The following TMEM212 variants were observed in gnomAD, a reference collection of about 807,000 sequenced individuals.
TMEM212 encodes transmembrane protein 212.
TMEM212 carries 23 observed loss-of-function variants against 20.5 expected under a neutral mutation model. The ratio of observed to expected loss-of-function variants is 1.12; its 90% CI spans 0.81 to 1.59. The LOEUF (loss-of-function observed/expected upper bound fraction) is 1.59, where lower values mean the gene tolerates loss of function less well. Among genes scored for constraint, TMEM212 ranks in the 40% most tolerant of loss-of-function variants. The pLI is 0.00. For synonymous variants in TMEM212, 76 were observed against 81.6 expected, an observed-to-expected ratio of 0.93 and a Z score of 0.37; for missense variants, 211 against 215.0, an observed-to-expected ratio of 0.98 and a Z score of 0.12.
chr3:171,857,936 A>G (rs1192333236), intron 4 of TMEM212, 125 bp from the exon 5 acceptor site: 3 of 151,732 alleles, frequency 2.0e-5, no homozygotes, highest in Non-Finnish European at 2.9e-5. Context: ...ATCCTTGTGC[A>G]CCATTGGTGG....
rs114199694 is a variant in TMEM212 at position 171,851,559 on chromosome 3, T to C, written c.160-423T>C. Among the ~76,000 whole-genome samples, 933 of 152,352 alleles carry C rather than the reference T, an allele frequency of 6.1e-3. 9 individuals carry two copies. Among genetic ancestry groups the C allele is most frequent in the Non-Finnish European group, 0.01 (684 of 68,030 alleles). On this transcript the variant is annotated intron_variant, in intron 1 of 4. Transcript: ENST00000334567. ...AGAAAGCAAATAGCAAAAGAGAAAGTCGCCTCAGGGTTTTGTGACAAGTTT... is the reference window on the plus strand; with the variant it reads ...AGAAAGCAAATAGCAAAAGAGAAAGCCGCCTCAGGGTTTTGTGACAAGTTT...
chr3:171,853,543 C>T lies in TMEM212; in HGVS notation c.236C>T (p.Thr79Ile). 5 of 1,536,252 alleles carry T rather than the reference C, an allele frequency of 3.3e-6. No individual in the cohort carries two copies. The highest frequency in any genetic ancestry group is 4.4e-6 in the Non-Finnish European group (5 of 1,146,256). The change falls in exon 3 of 5, where the codon ACC becomes ATC. Residue 79 changes from threonine to isoleucine, a missense_variant. Thr to Ile is a moderately conservative substitution (Grantham distance 89). Coordinates refer to ENST00000334567, the MANE Select transcript of TMEM212 (RefSeq NM_001164436.2). Reference sequence around the variant, plus strand: ...TATTTTCAGGGGGAAGCTACTTTCACCTTTGTGATTCTGAGCATTATGGGA... The same window carrying T: ...TATTTTCAGGGGGAAGCTACTTTCATCTTTGTGATTCTGAGCATTATGGGA... ...TQRYLGEATFTFVILSIMGCP... is the reference protein window; with the variant it reads ...TQRYLGEATFIFVILSIMGCP...
chr3:171,853,965 T>C, intron 3 of TMEM212, 115 bp downstream of exon 3: 1 of 786,966 alleles, frequency 1.3e-6, no homozygotes, highest in Non-Finnish European at 2.0e-6. Flanking sequence ...TCCCATATGC[T>C]TTTGATATCC....
chr3:171,847,276 G>A (rs1461525664), intron 1 of TMEM212, among the ~76,000 whole-genome samples: 1 of 152,238 alleles, frequency 6.6e-6, no homozygotes, highest in East Asian at 1.9e-4. Flanking sequence ...CACAGGCCCT[G>A]AGGGCTGGAC....
At chr3:171,851,668 C>T (rs2108380834) in intron 1 of TMEM212, among the ~76,000 whole-genome samples, 1 of 152,270 alleles carries the variant, frequency 6.6e-6, no homozygotes, top group Non-Finnish European at 1.5e-5. Flanking sequence ...AAATGTATGG[C>T]AAGGGTTATA....
At chr3:171,846,257 A>G (rs909352783) in intron 1 of TMEM212, among the ~76,000 whole-genome samples, 3 of 152,226 alleles carry the variant, frequency 2.0e-5, no homozygotes, top group Non-Finnish European at 2.9e-5. Flanking sequence ...TTAATTCTTT[A>G]TCAAACAACA....
Position 171,853,718 on chromosome 3 carries a change from C to T in TMEM212, c.411C>T (p.Asp137=). ...CAAAATTCCCATTAGCCTGTGTGGACCCACCACACTACGAAGAGTACCACC... is the reference window on the plus strand; with the variant it reads ...CAAAATTCCCATTAGCCTGTGTGGATCCACCACACTACGAAGAGTACCACC... ...PYAKFPLACV[D]PPHYEEYHLT... is the part of the protein sequence containing the mutation. Residue 137 remains aspartate (D), a synonymous_variant, in exon 3 of 5, where the codon GAC becomes GAT. Transcript: ENST00000334567. 8 of 1,537,424 alleles carry T rather than the reference C, an allele frequency of 5.2e-6. No homozygotes were observed. Among genetic ancestry groups the T allele is most frequent in the Non-Finnish European group, 7.0e-6 (8 of 1,146,902 alleles).
chr3:171,851,286 A>C (rs1306975826), intron 1 of TMEM212, among the ~76,000 whole-genome samples: 2 of 152,136 alleles, frequency 1.3e-5, no homozygotes, highest in African/African-American at 4.8e-5. Flanking sequence ...TATTTTTTTC[A>C]TTATCCGCTG....
intron 1 of TMEM212, among the ~76,000 whole-genome samples, chr3:171,850,188 T>C (rs1184079819): frequency 6.6e-6 from 1 of 152,196 alleles, no homozygotes; most frequent in East Asian, 1.9e-4. Context: ...CTATCTCCCA[T>C]GTCTGGCGGG....
At chr3:171,853,306 C>T (rs548980525) in intron 2 of TMEM212, among the ~76,000 whole-genome samples, 39 of 150,964 alleles carry the variant, frequency 2.6e-4, no homozygotes, top group African/African-American at 8.3e-4. Flanking sequence ...GCACATGTAT[C>T]CCGGTACTTA....
At chr3:171,845,385 T>C (rs1046293230) in intron 1 of TMEM212, among the ~76,000 whole-genome samples, 2 of 152,238 alleles carry the variant, frequency 1.3e-5, no homozygotes, top group Non-Finnish European at 2.9e-5. Context: ...CATATTCTGA[T>C]ATTTTCTATT....
rs569307254 is a variant in TMEM212 at position 171,849,375 on chromosome 3, T to C, written c.160-2607T>C. ...CTCGTGTGTGCATTATTTTTACACC[T>C]GAACTGTAAATTCCAGCGGCAGTCA... On this transcript the variant is annotated intron_variant, in intron 1 of 4. Coordinates refer to ENST00000334567, the MANE Select transcript of TMEM212 (RefSeq NM_001164436.2). 3.9e-5 allele frequency among the ~76,000 whole-genome samples: 6 copies of C among 152,364 alleles called. No homozygotes were observed. In the South Asian group the frequency reaches 1.2e-3, roughly 32 times the overall value.
chr3:171,847,206 T>C (rs370968378), intron 1 of TMEM212, among the ~76,000 whole-genome samples: 1 of 152,350 alleles, frequency 6.6e-6, no homozygotes, highest in African/African-American at 2.4e-5. Context: ...CTATTAATTC[T>C]AGAAAACATG....
intron 3 of TMEM212, among the ~76,000 whole-genome samples, chr3:171,855,450 T>G (rs993894555): frequency 2.0e-5 from 3 of 152,084 alleles, no homozygotes; most frequent in African/African-American, 7.2e-5. Context: ...CCATCTCTAC[T>G]AAAAATACAC....
intron 1 of TMEM212, among the ~76,000 whole-genome samples, chr3:171,844,534 C>G (rs538204930): frequency 6.6e-6 from 1 of 152,098 alleles, no homozygotes; most frequent in Non-Finnish European, 1.5e-5. Flanking sequence ...GGCGAAACCC[C>G]GTCACTACTA....
chr3:171,845,210 A>C (rs1486152225), intron 1 of TMEM212, among the ~76,000 whole-genome samples: 1 of 152,210 alleles, frequency 6.6e-6, no homozygotes, highest in African/African-American at 2.4e-5. Context: ...ACTCAGAGTC[A>C]GAAAAATATT....
At chr3:171,848,813 G>T (rs193052863) in intron 1 of TMEM212, among the ~76,000 whole-genome samples, 3 of 151,224 alleles carry the variant, frequency 2.0e-5, no homozygotes, top group Non-Finnish European at 4.4e-5. Context: ...AAATGTATTC[G>T]TTATTGTGGC....
intron 1 of TMEM212, among the ~76,000 whole-genome samples, chr3:171,846,857 A>G (rs1337581884): frequency 6.6e-6 from 1 of 152,180 alleles, no homozygotes. Flanking sequence ...CTCCCTTACC[A>G]ATCACTTCTT....
At position 171,858,825 on chromosome 3, in the gene TMEM212, A is replaced by G. The variant is rs910477866; in HGVS notation, c.*768A>G. 2.0e-5 allele frequency: 3 copies of G among 152,132 alleles called. No homozygotes were observed. Among genetic ancestry groups the G allele is most frequent in the Admixed American group, 1.3e-4 (2 of 15,248 alleles). 9.4% of individuals were successfully genotyped at this position (152,132 alleles called of 1,614,324 possible). ...CAACAGACACACATAATCCCAAATC[A>G]TGCTACTATAAAGACACATGCACAC... On this transcript the variant is annotated 3_prime_UTR_variant, in exon 5 of 5. Coordinates refer to ENST00000334567, the MANE Select transcript of TMEM212 (RefSeq NM_001164436.2).
Sources: gnomAD v4.1 joint callset for allele counts (sites outside exome capture counted in the v4.1 genomes callset) on GRCh38, gnomAD v4.1.1 for gene constraint, MANE v1.5 for transcripts, NCBI Gene and HGNC (gene_info 2026-07-23, HGNC 2026-07-21) for gene names.